The following CBX1 variants were observed in gnomAD, a reference collection of about 807,000 sequenced individuals.
CBX1 encodes chromobox 1.
Under a neutral mutation model 25.1 loss-of-function variants are expected in CBX1, and 10 were observed. The ratio of observed to expected loss-of-function variants is 0.40; its 90% CI spans 0.25 to 0.68. The LOEUF is 0.68. CBX1 is among the 30% of genes least tolerant of loss of function. The pLI, the probability that CBX1 is intolerant of heterozygous loss-of-function variation, is 0.40. For synonymous variants in CBX1, 63 were observed against 79.4 expected, an observed-to-expected ratio of 0.79 and a Z score of 1.10; for missense variants, 106 against 218.5, an observed-to-expected ratio of 0.49 and a Z score of 3.25.
chr17:48,095,035 A>G (rs1202593506), intron 1 of CBX1, among the ~76,000 whole-genome samples: 1 of 151,924 alleles, frequency 6.6e-6, no homozygotes, highest in Non-Finnish European at 1.5e-5. Context: ...TGACAGAGCA[A>G]GACTCTGCCT....
Position 48,070,456 on chromosome 17 carries a change from A to G in CBX1, c.*979T>C, listed in dbSNP as rs1445720148. 6.6e-6 allele frequency: 1 copy of G among 152,588 alleles called. No homozygotes were observed. The highest frequency in any genetic ancestry group is 1.9e-4 in the East Asian group (1 of 5,186). The allele number at this position is 152,588 out of a possible 1,614,324, so 9.5% of individuals were successfully genotyped here. A position where few individuals can be genotyped will look rare whatever the true frequency, so the allele number is the denominator to read the frequency against. ...TTCAAAGCTCAAAGTAAACGGCTCC[A>G]AGAGTTTTCCCCACTAAGAGCATGG... On this transcript the variant is annotated 3_prime_UTR_variant, in exon 5 of 5. Transcript: ENST00000225603.
At chr17:48,101,084 G>C (rs772046584) in intron 1 of CBX1, 184 bp downstream of exon 1, 117 of 986,216 alleles carry the variant, frequency 1.2e-4, no homozygotes, top group Non-Finnish European at 1.3e-4. Context: ...CACGCAGCTG[G>C]CACCGACGCC....
At chr17:48,082,825 A>G (rs2144445299) in intron 1 of CBX1, among the ~76,000 whole-genome samples, 1 of 147,266 alleles carries the variant, frequency 6.8e-6, no homozygotes, top group South Asian at 2.1e-4. Context: ...GGCGTAAGCC[A>G]CTGTGCCAGG....
intron 2 of CBX1, 106 bp downstream of exon 2, chr17:48,076,759 G>T: frequency 2.1e-6 from 2 of 940,448 alleles, no homozygotes; most frequent in Non-Finnish European, 3.2e-6. Flanking sequence ...CCATGAAGGT[G>T]GGGACTGAGT....
intron 1 of CBX1, among the ~76,000 whole-genome samples, chr17:48,089,776 TCG>T (rs2063334265): frequency 1.3e-5 from 2 of 150,154 alleles, no homozygotes; most frequent in African/African-American, 4.9e-5. Context: ...TGGGCCGAGA[TCG>T]TGTCACTGCA....
intron 1 of CBX1, among the ~76,000 whole-genome samples, chr17:48,083,820 A>G (rs1256896675): frequency 6.7e-6 from 1 of 149,690 alleles, no homozygotes; most frequent in Non-Finnish European, 1.5e-5. Flanking sequence ...GCGAAACTCC[A>G]TCCCCCCTCC....
chr17:48,086,121 C>A (rs1245780605), intron 1 of CBX1, among the ~76,000 whole-genome samples: 1 of 152,002 alleles, frequency 6.6e-6, no homozygotes, highest in Non-Finnish European at 1.5e-5. Flanking sequence ...TTACAGTGTC[C>A]CAAGGAATCC....
At chr17:48,099,093 A>AT (rs1328369763) in intron 1 of CBX1, among the ~76,000 whole-genome samples, 67 of 152,042 alleles carry the variant, frequency 4.4e-4, no homozygotes, top group East Asian at 9.7e-4. Flanking sequence ...CCATCTATCT[A>AT]CCTATCATCT....
intron 1 of CBX1, among the ~76,000 whole-genome samples, chr17:48,084,202 C>CTTT (rs869263376): frequency 1.5e-4 from 9 of 61,320 alleles, no homozygotes; most frequent in Admixed American, 2.4e-4. Context: ...TCTTTCTTTC[C>CTTT]TTTTTTTTTT....
At chr17:48,075,188 T>C in intron 3 of CBX1, 88 bp from the exon 4 acceptor site, 1 of 837,602 alleles carries the variant, frequency 1.2e-6, no homozygotes, top group Non-Finnish European at 2.0e-6. Context: ...ATTAATGTAA[T>C]CACAAACTCT....
intron 2 of CBX1, 40 bp from the exon 3 acceptor site, chr17:48,076,218 A>AT: frequency 2.1e-6 from 3 of 1,450,494 alleles, no homozygotes; most frequent in Non-Finnish European, 2.8e-6. Flanking sequence ...TTTCACTCAA[A>AT]TAAGTATACT....
At chr17:48,077,436 T>G (rs1482888342) in intron 1 of CBX1, among the ~76,000 whole-genome samples, 2 of 106,576 alleles carry the variant, frequency 1.9e-5, no homozygotes, top group South Asian at 3.1e-4. Flanking sequence ...TTTTGTTGTT[T>G]TTTTTTTTGT....
At chr17:48,086,718 G>A (rs1284702405) in intron 1 of CBX1, among the ~76,000 whole-genome samples, 1 of 152,106 alleles carries the variant, frequency 6.6e-6, no homozygotes, top group Non-Finnish European at 1.5e-5. Context: ...TTAGCTGGGC[G>A]TGGTCGTGCA....
In CBX1 at chr17:48,070,275, T is replaced by G. The variant is rs1567761827; in HGVS notation, c.*1160A>C. 1 of 152,640 alleles carries G rather than the reference T, an allele frequency of 6.6e-6. No individual in the cohort carries two copies. Among genetic ancestry groups the G allele is most frequent in the Non-Finnish European group, 1.5e-5 (1 of 68,034 alleles). 9.5% of individuals were successfully genotyped at this position (152,640 alleles called of 1,614,324 possible). A position where few individuals can be genotyped will look rare whatever the true frequency, so the allele number is the denominator to read the frequency against. Reference sequence around the variant, plus strand: ...ATTAGGATTTCTTAAAAAATTGTTTTGTGTGTGTATGTGTGTGTTTTAAAG... The same window carrying G: ...ATTAGGATTTCTTAAAAAATTGTTTGGTGTGTGTATGTGTGTGTTTTAAAG... On this transcript the variant is annotated 3_prime_UTR_variant, in exon 5 of 5. Coordinates refer to ENST00000225603, the MANE Select transcript of CBX1 (RefSeq NM_001127228.2).
chr17:48,074,887 C>A (rs2037659603), intron 4 of CBX1, 119 bp downstream of exon 4: 2 of 775,618 alleles, frequency 2.6e-6, no homozygotes, highest in Admixed American at 3.9e-5. Context: ...AAGGACTATG[C>A]CATCTTAACA....
intron 1 of CBX1, among the ~76,000 whole-genome samples, chr17:48,092,468 C>CT (rs869275062): frequency 4.9e-4 from 32 of 65,902 alleles, no homozygotes; most frequent in African/African-American, 8.2e-4. Context: ...CTCTCTCTCT[C>CT]TTTTTTTTTT....
At chr17:48,091,442 C>G (rs921145438) in intron 1 of CBX1, among the ~76,000 whole-genome samples, 1 of 150,712 alleles carries the variant, frequency 6.6e-6, no homozygotes, top group Non-Finnish European at 1.5e-5. Flanking sequence ...GGTGTGATAT[C>G]GGCTCACTTT....
At position 48,070,082 on chromosome 17, in the gene CBX1, G is replaced by A. The variant is rs906135235; in HGVS notation, c.*1353C>T. 1.3e-5 allele frequency: 2 copies of A among 152,602 alleles called. No individual in the cohort carries two copies. Among genetic ancestry groups the A allele is most frequent in the Non-Finnish European group, 2.9e-5 (2 of 68,032 alleles). The allele number at this position is 152,602 out of a possible 1,614,324, so 9.5% of individuals were successfully genotyped here. On this transcript the variant is annotated 3_prime_UTR_variant, in exon 5 of 5. Transcript: ENST00000225603. ...GATTATAAATCTATAGTTTTATTAA[G>A]ACAAAAACTGACAATGTAGTATGAA...
chr17:48,084,456 G>C (rs1409858233), intron 1 of CBX1, among the ~76,000 whole-genome samples: 1 of 147,272 alleles, frequency 6.8e-6, no homozygotes, highest in Non-Finnish European at 1.5e-5. Context: ...TGATCCACCC[G>C]CCTCAGCCTC....
Sources: allele counts gnomAD v4.1 joint callset (sites outside exome capture counted in the v4.1 genomes callset), GRCh38; gene constraint gnomAD v4.1.1; transcripts MANE v1.5; gene names NCBI Gene and HGNC (gene_info 2026-07-23, HGNC 2026-07-21).